ANKRD55: variants seen among roughly 807,000 people sequenced by gnomAD.
ANKRD55 encodes the protein ankyrin repeat domain-containing protein 55.
In ANKRD55, 41 loss-of-function variants were observed where a neutral mutation model predicts 60.6. The ratio of observed to expected loss-of-function variants is 0.68; its 90% CI spans 0.53 to 0.88. ANKRD55 has a LOEUF of 0.88. ANKRD55 is among the 40% of genes least tolerant of loss of function. The pLI is 0.00. For synonymous variants in ANKRD55, 264 were observed against 290.3 expected, an observed-to-expected ratio of 0.91 and a Z score of 0.92; for missense variants, 732 against 767.6, an observed-to-expected ratio of 0.95 and a Z score of 0.55.
chr5:56,141,706 G>C (rs536795421), intron 7 of ANKRD55, among the ~76,000 whole-genome samples: 1 of 152,098 alleles, frequency 6.6e-6, no homozygotes, highest in East Asian at 1.9e-4. Flanking sequence ...TTCATCCTTT[G>C]CTATATAATT....
At chr5:56,145,469 C>T (rs759976640) in intron 6 of ANKRD55, among the ~76,000 whole-genome samples, 11 of 152,194 alleles carry the variant, frequency 7.2e-5, no homozygotes, top group Non-Finnish European at 1.2e-4. Context: ...ATTGAAAAGC[C>T]TGGGTTTCTG....
intron 2 of ANKRD55, among the ~76,000 whole-genome samples, chr5:56,231,954 T>C (rs1184987537): frequency 6.6e-6 from 1 of 152,186 alleles, no homozygotes; most frequent in Non-Finnish European, 1.5e-5. Context: ...TTTCATGTTG[T>C]AGCCAAAACA....
At chr5:56,109,876 G>C (rs1207260328) in intron 10 of ANKRD55, among the ~76,000 whole-genome samples, 5 of 152,134 alleles carry the variant, frequency 3.3e-5, no homozygotes, top group African/African-American at 1.2e-4. Flanking sequence ...GAATTAGCTG[G>C]GTGTGGTGGC....
Position 56,135,337 on chromosome 5 carries a change from T to G in ANKRD55, c.613-8231A>C. On this transcript the variant is annotated intron_variant, in intron 7 of 11. Coordinates refer to ENST00000341048, the MANE Select transcript of ANKRD55 (RefSeq NM_024669.3). ...TTTCTTTCTTTCTTTCTTTCTTTCTTTCTTTCTTTCTTTCTTTCTTTCTTT... is the reference window on the plus strand; with the variant it reads ...TTTCTTTCTTTCTTTCTTTCTTTCTGTCTTTCTTTCTTTCTTTCTTTCTTT... 1.0e-4 allele frequency among the ~76,000 whole-genome samples: 2 copies of G among 19,464 alleles called. 1 individual carries two copies. Among genetic ancestry groups the G allele is most frequent in the Non-Finnish European group, 2.0e-4 (2 of 9,974 alleles). 12.8% of individuals were successfully genotyped at this position (19,464 alleles called of 152,430 possible). A position where few individuals can be genotyped will look rare whatever the true frequency, so the allele number is the denominator to read the frequency against.
chr5:56,166,154 C>CTTTCTTTCTTTCTTCT lies in ANKRD55; in HGVS notation c.422+4539_422+4540insAGAAGAAAGAAAGAAA, dbSNP rs11283204. 2.3e-3 allele frequency among the ~76,000 whole-genome samples: 162 copies of CTTTCTTTCTTTCTTCT among 71,458 alleles called. 1 individual carries two copies. The highest frequency in any genetic ancestry group is 7.7e-3 in the African/African-American group (104 of 13,578). 46.9% of individuals were successfully genotyped at this position (71,458 alleles called of 152,430 possible). A position where few individuals can be genotyped will look rare whatever the true frequency, so the allele number is the denominator to read the frequency against. ...TCTTTCTTTCTTTCTTTCTTTCTTT[C>CTTTCTTTCTTTCTTCT]TTCTTTCCTTCCTTCCTTCCTTCCT... On this transcript the variant is annotated intron_variant, in intron 5 of 11. Coordinates refer to ENST00000341048, the MANE Select transcript of ANKRD55 (RefSeq NM_024669.3).
Position 56,183,590 on chromosome 5 carries a change from C to G in ANKRD55, c.103G>C (p.Ala35Pro). 7 of 1,614,206 alleles carry G rather than the reference C, an allele frequency of 4.3e-6. No individual in the cohort carries two copies. The highest frequency in any genetic ancestry group is 5.9e-6 in the Non-Finnish European group (7 of 1,180,030). ...AGAGCATTGACATCTCCATTAGAGG[C>G]TGCTTGATAAACCATGGTCAGGTCA... ...EVDLTMVYQA[A>P]SNGDVNALTA... The change falls in exon 3 of 12, where the codon GCC becomes CCC. Residue 35 changes from alanine to proline, a missense_variant. Physicochemically the swap from Ala to Pro is conservative, Grantham distance 27 (BLOSUM62 -1). Coordinates refer to ENST00000341048, the MANE Select transcript of ANKRD55 (RefSeq NM_024669.3).
intron 2 of ANKRD55, among the ~76,000 whole-genome samples, chr5:56,209,410 T>C (rs1170977319): frequency 2.0e-5 from 3 of 152,326 alleles, no homozygotes; most frequent in Admixed American, 2.0e-4. Context: ...TTACTTTTTG[T>C]GATTATAAGT....
chr5:56,123,477 T>C (rs1248165271), intron 8 of ANKRD55, among the ~76,000 whole-genome samples: 3 of 152,174 alleles, frequency 2.0e-5, no homozygotes, highest in Non-Finnish European at 4.4e-5. Flanking sequence ...CACTGCATAT[T>C]TGAATGTGGC....
intron 8 of ANKRD55, among the ~76,000 whole-genome samples, chr5:56,119,776 TGTGATGGGTAC>T (rs1173065938): frequency 6.6e-6 from 1 of 151,788 alleles, no homozygotes; most frequent in Non-Finnish European, 1.5e-5. Flanking sequence ...ATTAGTTGGA[TGTGATGGGTAC>T]GTGCCTGTAG....
intron 5 of ANKRD55, among the ~76,000 whole-genome samples, chr5:56,164,078 C>T (rs1478412997): frequency 6.6e-6 from 1 of 152,132 alleles, no homozygotes; most frequent in Non-Finnish European, 1.5e-5. Flanking sequence ...GGCAACAGAG[C>T]TTGAGACTCT....
At chr5:56,123,293 G>A (rs554434902) in intron 8 of ANKRD55, among the ~76,000 whole-genome samples, 9 of 152,192 alleles carry the variant, frequency 5.9e-5, no homozygotes, top group Admixed American at 5.2e-4. Flanking sequence ...ATCTGTGAAC[G>A]GGGTTGGACA....
At position 56,127,105 on chromosome 5, in the gene ANKRD55, C is replaced by T; in HGVS notation, c.614G>A (p.Ser205Asn). The T allele has an allele frequency of 6.2e-7, 1 of 1,602,892 alleles. No homozygotes were observed. The highest frequency in any genetic ancestry group is 8.5e-7 in the Non-Finnish European group (1 of 1,173,500). ...FKTALHWAVQ[S>N]GNRILCSIIL... ...GATGGAGCACAGAATCCTATTTCCA[C>T]TCTGGAAAAGAGAGTCAAAGAAAGC... is the stretch of plus-strand genomic sequence containing the variant. The change falls in exon 8 of 12, where the codon AGT becomes AAT. Residue 205 changes from serine (S) to asparagine (N), a missense_variant and splice_region_variant. Transcript: ENST00000341048.
intron 6 of ANKRD55, among the ~76,000 whole-genome samples, chr5:56,150,034 C>T (rs558452449): frequency 8.6e-5 from 13 of 151,848 alleles, no homozygotes; most frequent in African/African-American, 2.2e-4. Context: ...TAGAGATGGG[C>T]GTCACCATAT....
rs1156462311 is a variant in ANKRD55 at position 56,135,356 on chromosome 5, T to TTTCTTTCTTTCTTTCTTTCTTTCTTTC, written c.613-8251_613-8250insGAAAGAAAGAAAGAAAGAAAGAAAGAA. On this transcript the variant is annotated intron_variant, in intron 7 of 11. Transcript: ENST00000341048. ...CTTTCTTTCTTTCTTTCTTTCTTTC[T>TTTCTTTCTTTCTTTCTTTCTTTCTTTC]TTCTTTCTTTCCTTCTTTCTTTCTT... is the stretch of plus-strand genomic sequence containing the variant. 1.4e-3 allele frequency among the ~76,000 whole-genome samples: 77 copies of TTTCTTTCTTTCTTTCTTTCTTTCTTTC among 53,726 alleles called. 7 individuals carry two copies. The highest frequency in any genetic ancestry group is 5.0e-3 in the African/African-American group (61 of 12,150). 35.2% of individuals were successfully genotyped at this position (53,726 alleles called of 152,430 possible).
Position 56,133,447 on chromosome 5 carries a change from A to AAAC in ANKRD55, c.613-6342_613-6341insGTT, listed in dbSNP as rs1462426196. 6.2e-4 allele frequency among the ~76,000 whole-genome samples: 70 copies of AAAC among 113,564 alleles called. 14 individuals are homozygous for AAAC. The highest frequency in any genetic ancestry group is 1.9e-3 in the African/African-American group (66 of 34,988). 74.5% of individuals were successfully genotyped at this position (113,564 alleles called of 152,430 possible). A position where few individuals can be genotyped will look rare whatever the true frequency, so the allele number is the denominator to read the frequency against. ...GAGGAAGACTCCGTCTCAAAAAAAA[A>AAAC]AAAAAACAATTAATTAATTGGATAC... On this transcript the variant is annotated intron_variant, in intron 7 of 11. Transcript: ENST00000341048.
chr5:56,191,944 A>G (rs1759103883), intron 2 of ANKRD55, among the ~76,000 whole-genome samples: 1 of 152,252 alleles, frequency 6.6e-6, no homozygotes, highest in Non-Finnish European at 1.5e-5. Context: ...AGGAAGCATG[A>G]TGTAGAAATA....
rs186440533 is a variant in ANKRD55, at chr5:56,193,413, C to G, written c.59-9779G>C. 38 of 592,452 alleles carry G rather than the reference C, an allele frequency of 6.4e-5. No homozygotes were observed. In the African/African-American group the frequency reaches 6.6e-4, roughly 10 times the overall value. The allele number at this position is 592,452 out of a possible 1,614,324, so 36.7% of individuals were successfully genotyped here. ...CTAGAACCTTTTGGTACTGGAATTACAACTATTATCCTCCTGTAGAGGGTC... is the reference window on the plus strand; with the variant it reads ...CTAGAACCTTTTGGTACTGGAATTAGAACTATTATCCTCCTGTAGAGGGTC... On this transcript the variant is annotated intron_variant, in intron 2 of 11. Transcript: ENST00000341048.
chr5:56,207,811 C>T (rs1313340625), intron 2 of ANKRD55, among the ~76,000 whole-genome samples: 9 of 152,162 alleles, frequency 5.9e-5, no homozygotes, highest in Admixed American at 5.9e-4. Flanking sequence ...CTGTGCACTA[C>T]TGTAGACTTT....
At chr5:56,149,062 TA>T in intron 6 of ANKRD55, among the ~76,000 whole-genome samples, 1 of 152,304 alleles carries the variant, frequency 6.6e-6, no homozygotes, top group Non-Finnish European at 1.5e-5. Flanking sequence ...ATATGTACTT[TA>T]AAAGTAGATC....
Sources: gnomAD v4.1 joint callset for allele counts (sites outside exome capture counted in the v4.1 genomes callset) on GRCh38, gnomAD v4.1.1 for gene constraint, MANE v1.5 for transcripts, NCBI Gene and HGNC (gene_info 2026-07-23, HGNC 2026-07-21) for gene names.